MYO18B: variants seen among roughly 807,000 people sequenced by gnomAD.
MYO18B encodes unconventional myosin-XVIIIb.
A neutral mutation model predicts 273.0 loss-of-function variants in MYO18B; 204 were observed. The observed-to-expected ratio is 0.75, with a 90% CI of 0.67 to 0.84. MYO18B has a LOEUF of 0.84. MYO18B is among the 40% of genes least tolerant of loss of function. MYO18B has a pLI of 0.00. For missense variants in MYO18B, 3,212 were observed against 3,287.6 expected (o/e 0.98, Z 0.56); for synonymous variants, 1,330 against 1,305.7 (o/e 1.02, Z -0.40).
In MYO18B at chr22:25,763,250, G is replaced by A. The variant is rs1251334068; in HGVS notation, c.59G>A (p.Ser20Asn). 1.2e-6 allele frequency: 2 copies of A among 1,610,620 alleles called. No individual in the cohort carries two copies. Among genetic ancestry groups the A allele is most frequent in the East Asian group, 4.5e-5 (2 of 44,812 alleles). Residue 20 changes from serine to asparagine, a missense_variant, in exon 3 of 44, where the codon AGC (serine) becomes AAC (asparagine). Transcript: ENST00000335473. ...AAACAGATTCGGGAAGAGGACAAGAGCCCTCCACCATCCTCGCCCCCTCCT... is the reference window on the plus strand; with the variant it reads ...AAACAGATTCGGGAAGAGGACAAGAACCCTCCACCATCCTCGCCCCCTCCT... ...WEQKIREEDK[S>N]PPPSSPPPLF...
At chr22:25,885,542 G>A (rs991134011) in intron 25 of MYO18B, among the ~76,000 whole-genome samples, 9 of 152,226 alleles carry the variant, frequency 5.9e-5, no homozygotes, top group African/African-American at 1.9e-4. Context: ...CTGGTGGTTG[G>A]AGTGTCTTGT....
intron 42 of MYO18B, among the ~76,000 whole-genome samples, chr22:26,020,119 T>A (rs968434921): frequency 6.6e-6 from 1 of 152,158 alleles, no homozygotes; most frequent in Non-Finnish European, 1.5e-5. Context: ...AAATGTTTTC[T>A]CACCACTGAG....
At position 26,026,692 on chromosome 22, in the gene MYO18B, A is replaced by G. The variant is rs969339900; in HGVS notation, c.6718A>G (p.Arg2240Gly). 6.2e-7 allele frequency: 1 copy of G among 1,613,688 alleles called. No individual in the cohort carries two copies. The highest frequency in any genetic ancestry group is 1.3e-5 in the African/African-American group (1 of 74,876). ...GAGTACAAATACATCCCCGCTGTCG[A>G]GGGAAAAGCTGCCCAGTCCTTCAGC... is the stretch of plus-strand genomic sequence containing the variant. ...SRSTNTSPLS[R>G]EKLPSPSAAL... The change falls in exon 43 of 44, where the codon AGG becomes GGG. Residue 2240 changes from arginine (R) to glycine (G), a missense_variant. Coordinates refer to ENST00000335473, the MANE Select transcript of MYO18B (RefSeq NM_032608.7).
the MYO18B span, among the ~76,000 whole-genome samples, chr22:26,060,892 TAC>T: frequency 9.9e-6 from 1 of 101,416 alleles, no homozygotes; most frequent in Admixed American, 8.7e-5. Context: ...TATACACATA[TAC>T]ACACATATAC....
At chr22:25,815,798 A>AGTTTAGTTTGATGTTGCTCC (rs1167661781) in intron 12 of MYO18B, among the ~76,000 whole-genome samples, 2 of 152,122 alleles carry the variant, frequency 1.3e-5, no homozygotes, top group African/African-American at 4.8e-5. Flanking sequence ...TGTTTTGCTG[A>AGTTTAGTTTGATGTTGCTCC]GTTTAGTTTG....
chr22:25,758,233 C>T (rs894029970), intron 1 of MYO18B, among the ~76,000 whole-genome samples: 89 of 152,046 alleles, frequency 5.9e-4, no homozygotes, highest in African/African-American at 2.1e-3. Flanking sequence ...AGCCTGGTCT[C>T]GAACTCCTGA....
chr22:25,760,856 T>A (rs2086288504), intron 1 of MYO18B, 128 bp from the exon 2 acceptor site: 13 of 581,210 alleles, frequency 2.2e-5, no homozygotes, highest in East Asian at 5.7e-5. Flanking sequence ...GCTGACAGTG[T>A]CTGTACCTGA....
chr22:25,880,993 C>G (rs190389574), intron 25 of MYO18B, among the ~76,000 whole-genome samples: 2 of 152,218 alleles, frequency 1.3e-5, no homozygotes, highest in African/African-American at 2.4e-5. Flanking sequence ...TTTCTACACC[C>G]GAGAGCACCT....
intron 39 of MYO18B, among the ~76,000 whole-genome samples, chr22:25,956,063 T>C (rs1236614657): frequency 6.6e-6 from 1 of 152,162 alleles, no homozygotes; most frequent in Non-Finnish European, 1.5e-5. Flanking sequence ...CACGTGGAGA[T>C]ATCAACTTGC....
At chr22:25,825,858 C>A (rs776101507) in intron 13 of MYO18B, among the ~76,000 whole-genome samples, 10 of 152,102 alleles carry the variant, frequency 6.6e-5, no homozygotes, top group Non-Finnish European at 2.9e-5. Flanking sequence ...TCCCAGTATA[C>A]GAACATTTTA....
intron 19 of MYO18B, among the ~76,000 whole-genome samples, chr22:25,847,111 A>G (rs1400819414): frequency 6.6e-6 from 1 of 151,972 alleles, no homozygotes; most frequent in African/African-American, 2.4e-5. Context: ...AAAGAAAAAT[A>G]AAATGGACCT....
At chr22:25,744,170 G>A (rs1449781174) in intron 1 of MYO18B, among the ~76,000 whole-genome samples, 1 of 152,160 alleles carries the variant, frequency 6.6e-6, no homozygotes, top group Non-Finnish European at 1.5e-5. Flanking sequence ...CACTTTATTA[G>A]GGTCTAACTA....
At chr22:26,044,337 C>A in the MYO18B span, among the ~76,000 whole-genome samples, 1 of 152,058 alleles carries the variant, frequency 6.6e-6, no homozygotes, top group African/African-American at 2.4e-5. Flanking sequence ...TTGGTAAAGC[C>A]GGTTTATTAT....
rs1354515795 is a variant in MYO18B, at chr22:25,768,128, C to T, written c.212C>T (p.Ser71Phe). The T allele has an allele frequency of 1.3e-6, 2 of 1,595,568 alleles. No homozygotes were observed. Among genetic ancestry groups the T allele is most frequent in the Non-Finnish European group, 1.7e-6 (2 of 1,170,004 alleles). ...TCTTTCTCCCAGATCCCAGAAATTTCCATCAGCCAACCCAACAGCAAGTCC... is the reference window on the plus strand; with the variant it reads ...TCTTTCTCCCAGATCCCAGAAATTTTCATCAGCCAACCCAACAGCAAGTCC... The part of the protein sequence containing the change: ...ASPEREIPEI[S>F]ISQPNSKSSS... The change falls in exon 4 of 44, where the codon TCC becomes TTC. Residue 71 changes from serine (S) to phenylalanine (F), a missense_variant. Coordinates refer to ENST00000335473, the MANE Select transcript of MYO18B (RefSeq NM_032608.7).
At chr22:25,842,424 G>A (rs553415290) in intron 17 of MYO18B, among the ~76,000 whole-genome samples, 1 of 152,290 alleles carries the variant, frequency 6.6e-6, no homozygotes, top group Admixed American at 6.5e-5. Flanking sequence ...TGTAATCCCA[G>A]CACTTTGAGA....
At chr22:25,898,552 C>A in intron 29 of MYO18B, 91 bp downstream of exon 29, 1 of 1,333,864 alleles carries the variant, frequency 7.5e-7, no homozygotes, top group South Asian at 1.3e-5. Flanking sequence ...TCCTAACTCC[C>A]TCACTTCAAC....
At chr22:25,813,351 C>T (rs1212190004) in intron 12 of MYO18B, among the ~76,000 whole-genome samples, 4 of 151,952 alleles carry the variant, frequency 2.6e-5, no homozygotes, top group Non-Finnish European at 5.9e-5. Context: ...CACCCTGTCC[C>T]TCTCCCTTCT....
chr22:25,978,990 G>A (rs2093122530), intron 39 of MYO18B, among the ~76,000 whole-genome samples: 1 of 152,162 alleles, frequency 6.6e-6, no homozygotes, highest in African/African-American at 2.4e-5. Context: ...TGATGATGAA[G>A]ACTAAATTTA....
chr22:25,885,618 C>G (rs866528458), intron 25 of MYO18B, among the ~76,000 whole-genome samples: 1 of 152,106 alleles, frequency 6.6e-6, no homozygotes, highest in Middle Eastern at 3.4e-3. Context: ...GGCATGAAGC[C>G]GGACTGGATC....
Sources: allele counts gnomAD v4.1 joint callset (sites outside exome capture counted in the v4.1 genomes callset), GRCh38; gene constraint gnomAD v4.1.1; transcripts MANE v1.5; gene names NCBI Gene and HGNC (gene_info 2026-07-23, HGNC 2026-07-21).